TDRD5: variants seen among roughly 807,000 people sequenced by gnomAD.
TDRD5 encodes the protein tudor domain containing 5.
Under a neutral mutation model 120.6 loss-of-function variants are expected in TDRD5, and 41 were observed. That is an observed-to-expected ratio of 0.34 (90% CI 0.26 to 0.44). The LOEUF (loss-of-function observed/expected upper bound fraction) is 0.44, where lower values mean the gene tolerates loss of function less well. TDRD5 is among the 20% of genes least tolerant of loss of function. The pLI, the probability that TDRD5 is intolerant of heterozygous loss-of-function variation, is 1.00. For synonymous variants in TDRD5, 430 were observed against 433.7 expected (o/e 0.99, Z 0.11); for missense variants, 1,006 against 1,221.2 (o/e 0.82, Z 2.63).
chr1:179,659,713 T>A (rs1558413514), intron 14 of TDRD5, among the ~76,000 whole-genome samples: 1 of 152,074 alleles, frequency 6.6e-6, no homozygotes, highest in East Asian at 1.9e-4. Context: ...ATTTATTTTT[T>A]TGAGACGGAG....
At position 179,652,202 on chromosome 1, in the gene TDRD5, G is replaced by A. The variant is rs1282528328; in HGVS notation, c.2160+5G>A. ...GAGAGTGAGTTACGTATCTTGGTAA[G>A]AGATTTTTGCAAATACTATTATAAT... On this transcript the variant is annotated splice_donor_5th_base_variant and intron_variant, in intron 13 of 17. Transcript: ENST00000444136. The A allele has an allele frequency of 3.1e-6, 5 of 1,593,852 alleles. No individual in the cohort carries two copies. The highest frequency in any genetic ancestry group is 4.3e-6 in the Non-Finnish European group (5 of 1,174,950).
intron 6 of TDRD5, among the ~76,000 whole-genome samples, chr1:179,630,388 T>C (rs1677368747): frequency 6.6e-6 from 1 of 152,222 alleles, no homozygotes; most frequent in Non-Finnish European, 1.5e-5. Context: ...TATCGAATAT[T>C]ATCTTTATTG....
intron 17 of TDRD5, among the ~76,000 whole-genome samples, chr1:179,681,467 A>G (rs1233928969): frequency 1.3e-5 from 2 of 152,270 alleles, no homozygotes; most frequent in South Asian, 2.1e-4. Context: ...TTTATAGTCA[A>G]TTATCTTATA....
chr1:179,609,414 A>G (rs1676165740), intron 4 of TDRD5, among the ~76,000 whole-genome samples: 1 of 152,210 alleles, frequency 6.6e-6, no homozygotes, highest in African/African-American at 2.4e-5. Flanking sequence ...GACTCATCAC[A>G]TAAAGTCAGG....
chr1:179,624,206 A>G lies in TDRD5; in HGVS notation c.972+3115A>G, dbSNP rs556623012. ...ATGTGATTATTTTGGTAGATGCAGAAAAAGAATTACCAAAATTTAATACCC... is the reference window on the plus strand; with the variant it reads ...ATGTGATTATTTTGGTAGATGCAGAGAAAGAATTACCAAAATTTAATACCC... On this transcript the variant is annotated intron_variant, in intron 6 of 17. Transcript: ENST00000444136. Among the ~76,000 whole-genome samples, 5 of 152,326 alleles carry G rather than the reference A, an allele frequency of 3.3e-5. 1 individual carries two copies. The South Asian group carries it at 1.0e-3, about 32-fold the overall frequency.
intron 10 of TDRD5, 59 bp downstream of exon 10, chr1:179,640,110 C>G: frequency 6.4e-7 from 1 of 1,562,902 alleles, no homozygotes; most frequent in Non-Finnish European, 8.8e-7. Context: ...AGTGTTGAAG[C>G]TCTGTGGGGT....
chr1:179,595,674 C>T lies in TDRD5; in HGVS notation c.687C>T (p.Ser229=), dbSNP rs148197177. The part of the protein sequence containing the change: ...QPFRMKQGSY[S]TGFPVAKPCF... ...TTAGAATGAAACAAGGGTCATACTC[C>T]ACAGGCTTTCCGGTAGCAAAGCCAT... The change falls in exon 4 of 18, where the codon TCC becomes TCT. Residue 229 remains serine (S), a synonymous_variant. Transcript: ENST00000444136. The T allele has an allele frequency of 1.7e-5, 27 of 1,613,206 alleles. No homozygotes were observed. The African/African-American group carries it at 3.5e-4, about 21-fold the overall frequency.
chr1:179,664,447 A>G (rs1009003233), intron 16 of TDRD5, among the ~76,000 whole-genome samples: 3 of 152,150 alleles, frequency 2.0e-5, no homozygotes, highest in African/African-American at 7.2e-5. Flanking sequence ...AAAACCACCC[A>G]TGACCATTAG....
At chr1:179,592,376 G>A in intron 1 of TDRD5, 2 of 474,538 alleles carry the variant, frequency 4.2e-6, no homozygotes, top group South Asian at 4.5e-5. Context: ...GCCTCCGCAT[G>A]GCCAGGGGCA....
intron 4 of TDRD5, among the ~76,000 whole-genome samples, chr1:179,604,887 G>C (rs1675892938): frequency 6.6e-6 from 1 of 152,086 alleles, no homozygotes; most frequent in Non-Finnish European, 1.5e-5. Flanking sequence ...TATCTGTTAA[G>C]TCCATTTGTT....
chr1:179,621,205 C>A, intron 6 of TDRD5, 114 bp downstream of exon 6: 1 of 852,230 alleles, frequency 1.2e-6, no homozygotes, highest in Non-Finnish European at 1.7e-6. Context: ...AAAACGGAAA[C>A]ATTTTGTTTT....
chr1:179,605,903 G>A (rs778460714), intron 4 of TDRD5, among the ~76,000 whole-genome samples: 1 of 152,072 alleles, frequency 6.6e-6, no homozygotes, highest in Non-Finnish European at 1.5e-5. Flanking sequence ...TGCTATAAAC[G>A]TGTGTGGGTT....
intron 11 of TDRD5, among the ~76,000 whole-genome samples, chr1:179,648,637 A>AG (rs1323705895): frequency 1.3e-5 from 2 of 151,840 alleles, no homozygotes; most frequent in Non-Finnish European, 2.9e-5. Context: ...GAAAAAAAAA[A>AG]CAAAAAAAAA....
intron 17 of TDRD5, 114 bp from the exon 18 acceptor site, chr1:179,690,582 C>T (rs934789018): frequency 8.4e-6 from 12 of 1,428,530 alleles, no homozygotes; most frequent in Non-Finnish European, 1.1e-5. Flanking sequence ...GTAATTGTCG[C>T]TACCTAACAG....
At chr1:179,635,254 T>G (rs1677700768) in intron 8 of TDRD5, among the ~76,000 whole-genome samples, 1 of 152,186 alleles carries the variant, frequency 6.6e-6, no homozygotes, top group South Asian at 2.1e-4. Flanking sequence ...ATCCTGCTTT[T>G]GATTGGAAGA....
chr1:179,621,131 C>T, intron 6 of TDRD5, 40 bp downstream of exon 6: 1 of 1,549,888 alleles, frequency 6.5e-7, no homozygotes, highest in Non-Finnish European at 8.7e-7. Flanking sequence ...TTTTTTATGG[C>T]TTATATTTCT....
At chr1:179,630,696 A>C (rs1398606541) in intron 6 of TDRD5, 71 bp from the exon 7 acceptor site, 2 of 1,488,480 alleles carry the variant, frequency 1.3e-6, no homozygotes, top group African/African-American at 2.8e-5. Flanking sequence ...TTGGTTGTCC[A>C]AGGACAACTA....
chr1:179,627,025 A>T (rs1677166475), intron 6 of TDRD5, among the ~76,000 whole-genome samples: 1 of 152,252 alleles, frequency 6.6e-6, no homozygotes, highest in Admixed American at 6.5e-5. Context: ...CATTTAAAGA[A>T]AAACAGCAAG....
At chr1:179,689,751 G>A (rs980112290) in intron 17 of TDRD5, among the ~76,000 whole-genome samples, 1 of 152,168 alleles carries the variant, frequency 6.6e-6, no homozygotes, top group Non-Finnish European at 1.5e-5. Flanking sequence ...CCTCAGCAAT[G>A]GCGGGCACCC....
Sources: allele counts gnomAD v4.1 joint callset (sites outside exome capture counted in the v4.1 genomes callset), GRCh38; gene constraint gnomAD v4.1.1; transcripts MANE v1.5; gene names NCBI Gene and HGNC (gene_info 2026-07-23, HGNC 2026-07-21).